LRRTM4: variants seen among roughly 807,000 people sequenced by gnomAD.
The protein encoded by LRRTM4 is leucine-rich repeat transmembrane neuronal protein 4.
LRRTM4 carries 25 observed loss-of-function variants against 47.6 expected under a neutral mutation model. The observed-to-expected ratio is 0.53, with a 90% CI of 0.38 to 0.73. The LOEUF (loss-of-function observed/expected upper bound fraction) is 0.73, where lower values mean the gene tolerates loss of function less well. Among genes scored for constraint, LRRTM4 ranks in the 30% least tolerant of loss-of-function variants. The pLI, the probability that LRRTM4 is intolerant of heterozygous loss-of-function variation, is 0.00. For synonymous variants in LRRTM4, 311 were observed against 269.5 expected, an observed-to-expected ratio of 1.15 and a Z score of -1.51; for missense variants, 638 against 713.4, an observed-to-expected ratio of 0.89 and a Z score of 1.20.
At chr2:77,307,118 T>C (rs1226999077) in intron 3 of LRRTM4, among the ~76,000 whole-genome samples, 1 of 151,832 alleles carries the variant, frequency 6.6e-6, no homozygotes, top group Non-Finnish European at 1.5e-5. Context: ...GCCAGGATGG[T>C]CTCGATCTCC....
Position 77,431,177 on chromosome 2 carries a change from C to A in LRRTM4, c.1551+87141G>T, listed in dbSNP as rs141617342. On this transcript the variant is annotated intron_variant, in intron 3 of 3. Coordinates refer to ENST00000409884, the MANE Select transcript of LRRTM4 (RefSeq NM_001134745.3). ...AGCCAATTCCCCTAATAAATCTTCT[C>A]GTCTATCTCTATCTATGCATGCTTT... 3.6e-3 allele frequency among the ~76,000 whole-genome samples: 537 copies of A among 149,138 alleles called. 8 individuals carry two copies. Among genetic ancestry groups the A allele is most frequent in the Middle Eastern group, 0.01 (3 of 290 alleles).
intron 3 of LRRTM4, among the ~76,000 whole-genome samples, chr2:77,408,687 G>C (rs1002161618): frequency 2.6e-5 from 4 of 152,116 alleles, no homozygotes; most frequent in African/African-American, 9.7e-5. Context: ...CCTCTGTCAA[G>C]CTCTGATTCC....
At chr2:77,362,722 G>A (rs1672289325) in intron 3 of LRRTM4, among the ~76,000 whole-genome samples, 1 of 152,094 alleles carries the variant, frequency 6.6e-6, no homozygotes, top group Admixed American at 6.6e-5. Context: ...AGGGCCATAA[G>A]ACTGTGGCTA....
At chr2:77,405,371 C>G (rs141972007) in intron 3 of LRRTM4, among the ~76,000 whole-genome samples, 3 of 152,214 alleles carry the variant, frequency 2.0e-5, no homozygotes, top group Non-Finnish European at 4.4e-5. Context: ...TATCCAGGAA[C>G]TAGCCCACTG....
At chr2:77,184,722 TA>T (rs1673450674) in intron 3 of LRRTM4, among the ~76,000 whole-genome samples, 1 of 152,148 alleles carries the variant, frequency 6.6e-6, no homozygotes, top group Non-Finnish European at 1.5e-5. Context: ...GATATCTACA[TA>T]AATGTTAAAT....
At chr2:77,165,291 T>C (rs1672847931) in intron 3 of LRRTM4, among the ~76,000 whole-genome samples, 1 of 151,990 alleles carries the variant, frequency 6.6e-6, no homozygotes, top group South Asian at 2.1e-4. Flanking sequence ...AATAGACCAA[T>C]AACCGGCTCT....
At chr2:77,084,544 C>G (rs1680644865) in intron 3 of LRRTM4, among the ~76,000 whole-genome samples, 1 of 152,138 alleles carries the variant, frequency 6.6e-6, no homozygotes, top group East Asian at 1.9e-4. Context: ...GGTAAGTTGA[C>G]TAGTTTATGC....
intron 3 of LRRTM4, among the ~76,000 whole-genome samples, chr2:77,045,885 GAT>G (rs1469046755): frequency 6.6e-6 from 1 of 151,778 alleles, no homozygotes; most frequent in East Asian, 1.9e-4. Flanking sequence ...ATAGTTTCCT[GAT>G]ATAGTTTTTT....
chr2:77,058,336 C>A (rs1679674059), intron 3 of LRRTM4, among the ~76,000 whole-genome samples: 1 of 152,104 alleles, frequency 6.6e-6, no homozygotes, highest in Non-Finnish European at 1.5e-5. Flanking sequence ...TGTGTAACAG[C>A]TAGAGCTACC....
intron 3 of LRRTM4, among the ~76,000 whole-genome samples, chr2:77,411,825 C>T (rs554143922): frequency 5.9e-4 from 89 of 151,876 alleles, no homozygotes; most frequent in African/African-American, 2.1e-3. Context: ...CCAATGTGTT[C>T]ATTTAGACAA....
chr2:76,954,263 C>T (rs10168341), intron 3 of LRRTM4, among the ~76,000 whole-genome samples: 43,891 of 151,516 alleles, frequency 0.29, 8,235 homozygotes, highest in African/African-American at 0.54. Context: ...AATTACATAA[C>T]AAAGAATTCA....
intron 3 of LRRTM4, among the ~76,000 whole-genome samples, chr2:77,020,838 A>G (rs1678241302): frequency 6.6e-6 from 1 of 152,202 alleles, no homozygotes; most frequent in African/African-American, 2.4e-5. Context: ...ACAGAAGCAG[A>G]CTAACCAAGG....
At chr2:76,804,459 A>G (rs944172724) in intron 3 of LRRTM4, among the ~76,000 whole-genome samples, 1 of 151,978 alleles carries the variant, frequency 6.6e-6, no homozygotes, top group Non-Finnish European at 1.5e-5. Flanking sequence ...ACAGGACTGG[A>G]TAAATAAGTT....
intron 3 of LRRTM4, among the ~76,000 whole-genome samples, chr2:77,223,622 G>T (rs907376287): frequency 2.0e-5 from 3 of 152,076 alleles, no homozygotes; most frequent in Admixed American, 6.6e-5. Flanking sequence ...GCTTCAAAGA[G>T]AATAAAATAC....
intron 3 of LRRTM4, among the ~76,000 whole-genome samples, chr2:76,998,598 A>G (rs1383645337): frequency 6.6e-6 from 1 of 151,540 alleles, no homozygotes; most frequent in East Asian, 1.9e-4. Context: ...TTAACAAGAA[A>G]CCCCAGGCAA....
intron 3 of LRRTM4, among the ~76,000 whole-genome samples, chr2:77,121,576 A>G (rs1208448622): frequency 6.6e-6 from 1 of 151,884 alleles, no homozygotes; most frequent in Non-Finnish European, 1.5e-5. Flanking sequence ...CATGAAATAT[A>G]TAAAACTGAA....
chr2:77,215,840 G>A (rs761751037), intron 3 of LRRTM4, among the ~76,000 whole-genome samples: 5 of 152,098 alleles, frequency 3.3e-5, no homozygotes, highest in African/African-American at 1.2e-4. Flanking sequence ...AGATTTTAAC[G>A]TCTCAGTCTT....
chr2:77,104,950 A>G (rs963482863), intron 3 of LRRTM4, among the ~76,000 whole-genome samples: 3 of 152,148 alleles, frequency 2.0e-5, no homozygotes, highest in Non-Finnish European at 2.9e-5. Flanking sequence ...AGATTGTTAA[A>G]CATTTCAAAA....
chr2:77,061,043 C>T (rs939051136), intron 3 of LRRTM4, among the ~76,000 whole-genome samples: 4 of 151,596 alleles, frequency 2.6e-5, no homozygotes, highest in Admixed American at 6.6e-5. Context: ...TAAAAAATAT[C>T]AATTCCAGTC....
Sources: gnomAD v4.1 joint callset for allele counts (sites outside exome capture counted in the v4.1 genomes callset) on GRCh38, gnomAD v4.1.1 for gene constraint, MANE v1.5 for transcripts, NCBI Gene and HGNC (gene_info 2026-07-23, HGNC 2026-07-21) for gene names.